PCDHGB5: variants seen among roughly 807,000 people sequenced by gnomAD.
PCDHGB5 encodes the protein protocadherin gamma-B5.
PCDHGB5 carries 48 observed loss-of-function variants against 62.9 expected under a neutral mutation model. That is an observed-to-expected ratio of 0.76 (90% confidence interval 0.61 to 0.97). The LOEUF is 0.97. Among genes scored for constraint, PCDHGB5 ranks in the 50% least tolerant of loss-of-function variants. PCDHGB5 has a pLI of 0.00. For synonymous variants in PCDHGB5, 474 were observed against 511.2 expected, an observed-to-expected ratio of 0.93 and a Z score of 0.98; for missense variants, 1,118 against 1,198.6, an observed-to-expected ratio of 0.93 and a Z score of 0.99.
chr5:141,398,818 C>G lies in PCDHGB5; in HGVS notation c.691C>G (p.Gln231Glu). The G allele has an allele frequency of 6.2e-7, 1 of 1,613,958 alleles. No homozygotes were observed. Residue 231 changes from glutamine (Q) to glutamate (E), a missense_variant, in exon 1 of 4, where the codon CAG becomes GAG. Around this residue, in one of 2 missense-constraint regions of PCDHGB5, gnomAD observed 1,034 missense variants for 1,029.1 expected, o/e 1.00. Transcript: ENST00000617380. Reference sequence around the variant, plus strand: ...AAGCGGCACCACTGAGCTCCGGATCCAGGTAACCGACGCCAATGATAATCC... The same window carrying G: ...AAGCGGCACCACTGAGCTCCGGATCGAGGTAACCGACGCCAATGATAATCC... ...PLSGTTELRI[Q>E]VTDANDNPPV... is the part of the protein sequence containing the mutation.
At chr5:141,415,688 T>A (rs373105795) in intron 1 of PCDHGB5, 395 of 1,545,880 alleles carry the variant, frequency 2.6e-4, no homozygotes, top group Non-Finnish European at 3.3e-4. Context: ...GGCATGATGG[T>A]GGAAAGTGTA....
Position 141,431,724 on chromosome 5 carries a change from T to C in PCDHGB5, c.2397+31200T>C, listed in dbSNP as rs758754345. The C allele has an allele frequency of 6.2e-7, 1 of 1,614,036 alleles. No individual in the cohort carries two copies. Among genetic ancestry groups the C allele is most frequent in the Non-Finnish European group, 8.5e-7 (1 of 1,180,036 alleles). On this transcript the variant is annotated intron_variant, in intron 1 of 3. Coordinates refer to ENST00000617380, the MANE Select transcript of PCDHGB5 (RefSeq NM_018925.3). This position sits in a 1 kb window ranked among gnomAD's most constrained non-coding sequence, Gnocchi z 4.8. The stretch of plus-strand genomic sequence containing the variant: ...TTCTACCAGATGGAAGTGCAAGCAA[T>C]GGATAATGCAGGATATTCTGCGCGA...
chr5:141,485,982 A>G lies in PCDHGB5; in HGVS notation c.2398-8825A>G. 6.2e-7 allele frequency: 1 copy of G among 1,614,156 alleles called. No homozygotes were observed. The highest frequency in any genetic ancestry group is 8.5e-7 in the Non-Finnish European group (1 of 1,180,020). ...ATCCAGCTCAATGCCTCAGACCCGG[A>G]CCTGGGTCCCAGTGGTAACGTCACC... On this transcript the variant is annotated intron_variant, in intron 1 of 3. Coordinates refer to ENST00000617380, the MANE Select transcript of PCDHGB5 (RefSeq NM_018925.3). The surrounding 1 kb of genome is among the most constrained non-coding windows in gnomAD (Gnocchi z 5.7).
Position 141,486,656 on chromosome 5 carries a change from C to A in PCDHGB5, c.2398-8151C>A. 6.2e-7 allele frequency: 1 copy of A among 1,614,020 alleles called. No homozygotes were observed. Among genetic ancestry groups the A allele is most frequent in the Non-Finnish European group, 8.5e-7 (1 of 1,180,038 alleles). On this transcript the variant is annotated intron_variant, in intron 1 of 3. Transcript: ENST00000617380. This position sits in a 1 kb window ranked among gnomAD's most constrained non-coding sequence, Gnocchi z 5.0. ...GAATGCGCTTATCTCCTACTCACTCCTGGAGCCCAGGAATCGAGATGTATC... is the reference window on the plus strand; with the variant it reads ...GAATGCGCTTATCTCCTACTCACTCATGGAGCCCAGGAATCGAGATGTATC...
At chr5:141,483,648 T>TTGTGTG (rs111458813) in intron 1 of PCDHGB5, among the ~76,000 whole-genome samples, 20,229 of 149,628 alleles carry the variant, frequency 0.14, 2,147 homozygotes, top group African/African-American at 0.31. Context: ...GGGTGTGTGT[T>TTGTGTG]TGTGTGTGTG....
At chr5:141,472,347 C>G (rs992566469) in intron 1 of PCDHGB5, among the ~76,000 whole-genome samples, 11 of 152,028 alleles carry the variant, frequency 7.2e-5, no homozygotes, top group Non-Finnish European at 1.2e-4. Context: ...CGAGACCATC[C>G]TGGCTAACAC....
chr5:141,405,390 T>C (rs1561700240), intron 1 of PCDHGB5: 1 of 1,600,118 alleles, frequency 6.2e-7, no homozygotes, highest in South Asian at 1.1e-5. Context: ...AGTTCATTTT[T>C]TTTCTTTCTT....
intron 2 of PCDHGB5, among the ~76,000 whole-genome samples, chr5:141,498,436 A>G (rs566463876): frequency 6.6e-6 from 1 of 152,268 alleles, no homozygotes; most frequent in East Asian, 1.9e-4. Flanking sequence ...GGGGATGAAG[A>G]GGAGAGGTTC....
At chr5:141,483,743 C>G (rs1360515518) in intron 1 of PCDHGB5, among the ~76,000 whole-genome samples, 2 of 152,022 alleles carry the variant, frequency 1.3e-5, no homozygotes, top group Non-Finnish European at 2.9e-5. Context: ...AAAGGATATT[C>G]CTGAGGATCG....
intron 1 of PCDHGB5, among the ~76,000 whole-genome samples, chr5:141,443,722 C>G (rs2098401001): frequency 6.6e-6 from 1 of 152,012 alleles, no homozygotes; most frequent in Admixed American, 6.6e-5. Context: ...TATAAAATTC[C>G]TCATACATTT....
At position 141,511,345 on chromosome 5, in the gene PCDHGB5, T is replaced by C; in HGVS notation, c.*172T>C. ...AAGTGCCCAGTCAGCACCTACCCCT[T>C]CCCCCCCAGGGGGTTGAATATGCAA... On this transcript the variant is annotated 3_prime_UTR_variant, in exon 4 of 4. Transcript: ENST00000617380. The C allele has an allele frequency of 1.4e-6, 2 of 1,410,502 alleles. No homozygotes were observed. The highest frequency in any genetic ancestry group is 9.4e-7 in the Non-Finnish European group (1 of 1,060,676). 87.4% of individuals were successfully genotyped at this position (1,410,502 alleles called of 1,614,324 possible).
chr5:141,480,712 A>G (rs559266864), intron 1 of PCDHGB5, among the ~76,000 whole-genome samples: 13 of 152,306 alleles, frequency 8.5e-5, no homozygotes, highest in African/African-American at 2.9e-4. Context: ...CCGACAAATG[A>G]AAGCACAGTC....
intron 1 of PCDHGB5, chr5:141,478,781 A>G: frequency 6.7e-7 from 1 of 1,485,388 alleles, no homozygotes; most frequent in Non-Finnish European, 9.0e-7. Flanking sequence ...TGTGGACCTA[A>G]TTCACATCCT....
In PCDHGB5 at chr5:141,398,010, G is replaced by T. The variant is rs10045443; in HGVS notation, c.-118G>T. On this transcript the variant is annotated 5_prime_UTR_variant, in exon 1 of 4. Coordinates refer to ENST00000617380, the MANE Select transcript of PCDHGB5 (RefSeq NM_018925.3). ...CCGCTTCCTCCTCGGAAAAAGAATC[G>T]TTTCCTAAACTGGAACTGGAACTAA... 0.24 allele frequency: 331,899 copies of T among 1,407,782 alleles called. 42,930 individuals are homozygous for T. The highest frequency in any genetic ancestry group is 0.51 in the African/African-American group (34,980 of 69,138). 87.2% of individuals were successfully genotyped at this position (1,407,782 alleles called of 1,614,324 possible). A position where few individuals can be genotyped will look rare whatever the true frequency, so the allele number is the denominator to read the frequency against.
rs373424450 is a variant in PCDHGB5, at chr5:141,450,829, AT to A, written c.2398-43965del. 1.1e-3 allele frequency among the ~76,000 whole-genome samples: 154 copies of A among 135,102 alleles called. 1 individual carries two copies. Among genetic ancestry groups the A allele is most frequent in the South Asian group, 8.9e-3 (38 of 4,254 alleles). 88.6% of individuals were successfully genotyped at this position (135,102 alleles called of 152,430 possible). ...TTATTTATTTAATATTATTATTATTATTTTTTTTTTTTTGAGATGGGGTCTT... is the reference window on the plus strand; with the variant it reads ...TTATTTATTTAATATTATTATTATTATTTTTTTTTTTTGAGATGGGGTCTT... On this transcript the variant is annotated intron_variant, in intron 1 of 3. Transcript: ENST00000617380.
chr5:141,483,648 T>TTG (rs111458813), intron 1 of PCDHGB5, among the ~76,000 whole-genome samples: 1,883 of 149,700 alleles, frequency 0.013, 19 homozygotes, highest in African/African-American at 0.023. Flanking sequence ...GGGTGTGTGT[T>TTG]TGTGTGTGTG....
In PCDHGB5 at chr5:141,403,434, A is replaced by C. The variant is rs774605332; in HGVS notation, c.2397+2910A>C. On this transcript the variant is annotated intron_variant, in intron 1 of 3. Transcript: ENST00000617380. ...CCACTTCCAGAAGCTATTGATCCGGATGTTGGCGTGAACTCCCTCCAGAGC... is the reference window on the plus strand; with the variant it reads ...CCACTTCCAGAAGCTATTGATCCGGCTGTTGGCGTGAACTCCCTCCAGAGC... The C allele has an allele frequency of 1.9e-6, 3 of 1,614,024 alleles. No individual in the cohort carries two copies. In the South Asian group the frequency reaches 3.3e-5, roughly 18 times the overall value.
At position 141,511,426 on chromosome 5, in the gene PCDHGB5, G is replaced by C. The variant is rs2099883789; in HGVS notation, c.*253G>C. 2.5e-6 allele frequency: 2 copies of C among 798,652 alleles called. No homozygotes were observed. The highest frequency in any genetic ancestry group is 3.8e-6 in the Non-Finnish European group (2 of 529,972). 49.5% of individuals were successfully genotyped at this position (798,652 alleles called of 1,614,324 possible). ...CAACTGCTGTACCCATGGGGGTAGTGGGGTTACTGTAGACACCAAGAACCA... is the reference window on the plus strand; with the variant it reads ...CAACTGCTGTACCCATGGGGGTAGTCGGGTTACTGTAGACACCAAGAACCA... On this transcript the variant is annotated 3_prime_UTR_variant, in exon 4 of 4. Transcript: ENST00000617380.
chr5:141,444,965 A>C (rs561160996), intron 1 of PCDHGB5, among the ~76,000 whole-genome samples: 18 of 152,234 alleles, frequency 1.2e-4, no homozygotes, highest in South Asian at 6.2e-4. Context: ...CAATATTGAC[A>C]CTTCAAATCC....
Sources: allele counts gnomAD v4.1 joint callset (sites outside exome capture counted in the v4.1 genomes callset), GRCh38; gene constraint gnomAD v4.1.1; regional missense constraint gnomAD v4.1.1; non-coding constraint Gnocchi (gnomAD v3.1); transcripts MANE v1.5; gene names NCBI Gene and HGNC (gene_info 2026-07-23, HGNC 2026-07-21).